Variants in NCAM2 observed in about 807,000 individuals in gnomAD.
The protein encoded by NCAM2 is N-CAM-2.
Under a neutral mutation model 98.1 loss-of-function variants are expected in NCAM2, and 30 were observed. That is an observed-to-expected ratio of 0.31 (90% CI 0.23 to 0.41). NCAM2 has a LOEUF of 0.41. NCAM2 is among the 10% of genes least tolerant of loss of function. The pLI is 1.00. For missense variants in NCAM2, 867 were observed against 1,005.8 expected, an observed-to-expected ratio of 0.86 and a Z score of 1.87; for synonymous variants, 368 against 342.4, an observed-to-expected ratio of 1.07 and a Z score of -0.83.
At chr21:21,305,947 T>C (rs879335435) in intron 5 of NCAM2, among the ~76,000 whole-genome samples, 9 of 152,160 alleles carry the variant, frequency 5.9e-5, no homozygotes, top group Non-Finnish European at 1.2e-4. Flanking sequence ...TGCATATACA[T>C]TGCCATTCAT....
chr21:20,998,665 C>G (rs748512041), intron 1 of NCAM2, 47 bp downstream of exon 1: 3 of 1,575,414 alleles, frequency 1.9e-6, no homozygotes, highest in South Asian at 2.2e-5. Context: ...CCCCCTTCCA[C>G]CCGGCCAAGA....
At chr21:21,143,512 TG>T (rs1378464618) in intron 1 of NCAM2, among the ~76,000 whole-genome samples, 1 of 152,166 alleles carries the variant, frequency 6.6e-6, no homozygotes, top group Non-Finnish European at 1.5e-5. Flanking sequence ...CTCTCCCACT[TG>T]TAGAAAAGTT....
chr21:21,395,215 A>T (rs2076477125), intron 9 of NCAM2, among the ~76,000 whole-genome samples: 1 of 152,094 alleles, frequency 6.6e-6, no homozygotes, highest in Non-Finnish European at 1.5e-5. Context: ...CATGCCTATA[A>T]TCCCAGCTCT....
Position 21,410,261 on chromosome 21 carries a change from TA to T in NCAM2, c.1196-12del. 2 of 1,363,164 alleles carry T rather than the reference TA, an allele frequency of 1.5e-6. No individual in the cohort carries two copies. Among genetic ancestry groups the T allele is most frequent in the Non-Finnish European group, 2.0e-6 (2 of 1,022,962 alleles). 84.4% of individuals were successfully genotyped at this position (1,363,164 alleles called of 1,614,324 possible). A position where few individuals can be genotyped will look rare whatever the true frequency, so the allele number is the denominator to read the frequency against. On this transcript the variant is annotated splice_polypyrimidine_tract_variant and intron_variant, in intron 9 of 17. Coordinates refer to ENST00000400546, the MANE Select transcript of NCAM2 (RefSeq NM_004540.5). Reference sequence around the variant, plus strand: ...GAAAATGCCTATAATTATTTTATTATATTGTATTACAGATGCCCCCAAGTTT... The same window carrying T: ...GAAAATGCCTATAATTATTTTATTATTTGTATTACAGATGCCCCCAAGTTT...
chr21:21,240,049 AAAT>A (rs1466478149), intron 1 of NCAM2, among the ~76,000 whole-genome samples: 1 of 152,088 alleles, frequency 6.6e-6, no homozygotes, highest in Admixed American at 6.6e-5. Context: ...ATCATCTACA[AAAT>A]AATATTATCA....
intron 9 of NCAM2, among the ~76,000 whole-genome samples, chr21:21,403,484 T>G (rs187077701): frequency 6.6e-6 from 1 of 152,296 alleles, no homozygotes; most frequent in Admixed American, 6.5e-5. Flanking sequence ...GACATTCATC[T>G]TTTTCCTCCA....
intron 5 of NCAM2, among the ~76,000 whole-genome samples, chr21:21,322,348 G>T (rs1182048008): frequency 6.6e-6 from 1 of 151,964 alleles, no homozygotes; most frequent in Admixed American, 6.6e-5. Context: ...TACCTATTGG[G>T]TATCATGCTA....
chr21:21,143,406 TGTG>T (rs1211762843), intron 1 of NCAM2, among the ~76,000 whole-genome samples: 1 of 152,224 alleles, frequency 6.6e-6, no homozygotes, highest in African/African-American at 2.4e-5. Flanking sequence ...ACTGTTTACT[TGTG>T]GTGTCCTTTG....
Position 21,153,990 on chromosome 21 carries a change from A to AAT in NCAM2, c.56-126587_56-126586insTA, listed in dbSNP as rs1475549206. Among the ~76,000 whole-genome samples the AAT allele has an allele frequency of 2.0e-5, 3 of 151,928 alleles. No individual in the cohort carries two copies. In the East Asian group the frequency reaches 5.8e-4, roughly 29 times the overall value. ...TGGTTAAATATATGATTAAGTTTAT[A>AAT]AATGAGATAGAGAATATGTGATAAG... On this transcript the variant is annotated intron_variant, in intron 1 of 17. Transcript: ENST00000400546.
intron 14 of NCAM2, among the ~76,000 whole-genome samples, chr21:21,475,446 TC>T (rs980180389): frequency 3.9e-5 from 6 of 152,168 alleles, no homozygotes; most frequent in African/African-American, 1.4e-4. Flanking sequence ...TCCTCACTAA[TC>T]AATTAACTGA....
chr21:21,328,895 T>G (rs2074594555), intron 6 of NCAM2, among the ~76,000 whole-genome samples: 1 of 151,886 alleles, frequency 6.6e-6, no homozygotes, highest in Admixed American at 6.6e-5. Flanking sequence ...CAGAAGAACT[T>G]CTAGTCCTGG....
rs2066773710 is a variant in NCAM2, at chr21:21,125,412, T to TTACATATATATGTAATATATAATATA, written c.55+126795_55+126796insACATATATATGTAATATATAATATAT. ...TACATATATATGTAATATATAATAT[T>TTACATATATATGTAATATATAATATA]TTACATATATTCATACATATGTAAT... On this transcript the variant is annotated intron_variant, in intron 1 of 17. Transcript: ENST00000400546. Among the ~76,000 whole-genome samples, 193 of 84,920 alleles carry TTACATATATATGTAATATATAATATA rather than the reference T, an allele frequency of 2.3e-3. 12 individuals carry two copies. Among genetic ancestry groups the TTACATATATATGTAATATATAATATA allele is most frequent in the Middle Eastern group, 8.6e-3 (1 of 116 alleles). The allele number at this position is 84,920 out of a possible 152,430, so 55.7% of individuals were successfully genotyped here.
intron 1 of NCAM2, among the ~76,000 whole-genome samples, chr21:21,169,192 A>G (rs2068044598): frequency 6.6e-6 from 1 of 152,186 alleles, no homozygotes; most frequent in Non-Finnish European, 1.5e-5. Flanking sequence ...TGGAACAAAT[A>G]CAGTTTTTAC....
chr21:21,301,657 T>G (rs1212544142), intron 5 of NCAM2, among the ~76,000 whole-genome samples: 3 of 146,856 alleles, frequency 2.0e-5, no homozygotes, highest in Non-Finnish European at 4.5e-5. Context: ...GTTCTTGCGA[T>G]AGTTTACTGA....
At chr21:21,374,091 A>AAT in intron 9 of NCAM2, 78 bp downstream of exon 9, 1 of 1,380,140 alleles carries the variant, frequency 7.2e-7, no homozygotes, top group Non-Finnish European at 1.0e-6. Context: ...TAAAGACCAA[A>AAT]ATATATATGT....
intron 1 of NCAM2, among the ~76,000 whole-genome samples, chr21:21,085,555 T>G (rs2065890738): frequency 6.6e-6 from 1 of 152,178 alleles, no homozygotes; most frequent in Non-Finnish European, 1.5e-5. Flanking sequence ...TGGATGGGCT[T>G]CTTTCTCTTC....
intron 15 of NCAM2, among the ~76,000 whole-genome samples, chr21:21,491,601 GTCATA>G (rs1344456493): frequency 2.0e-5 from 3 of 151,560 alleles, no homozygotes; most frequent in Non-Finnish European, 4.4e-5. Flanking sequence ...AAACAGAAAA[GTCATA>G]TTTTTCTTTT....
chr21:21,316,473 T>G (rs1195893743), intron 5 of NCAM2, among the ~76,000 whole-genome samples: 1 of 151,552 alleles, frequency 6.6e-6, no homozygotes, highest in Non-Finnish European at 1.5e-5. Context: ...TGACCAGTTT[T>G]AAAAACCAAG....
chr21:21,014,379 G>A (rs981944926), intron 1 of NCAM2, among the ~76,000 whole-genome samples: 8 of 150,190 alleles, frequency 5.3e-5, no homozygotes, highest in Non-Finnish European at 1.0e-4. Context: ...GGCCGAGATC[G>A]TGCTATTGCA....
Sources: gnomAD v4.1 joint callset for allele counts (sites outside exome capture counted in the v4.1 genomes callset) on GRCh38, gnomAD v4.1.1 for gene constraint, MANE v1.5 for transcripts, NCBI Gene and HGNC (gene_info 2026-07-23, HGNC 2026-07-21) for gene names.